The following ZNF562 variants were observed in gnomAD, a reference collection of about 807,000 sequenced individuals.
The protein encoded by ZNF562 is zinc finger protein 562.
In ZNF562, 13 loss-of-function variants were observed where a neutral mutation model predicts 17.5. The observed-to-expected ratio is 0.74, with a 90% confidence interval of 0.48 to 1.18. The LOEUF is 1.18. Ranked by LOEUF, ZNF562 falls within the 50% of genes most tolerant of loss-of-function variation. The pLI, the probability that ZNF562 is intolerant of heterozygous loss-of-function variation, is 0.00. For missense variants in ZNF562, 481 were observed against 498.5 expected (o/e 0.96, Z 0.33); for synonymous variants, 163 against 165.4 (o/e 0.99, Z 0.11).
Position 9,642,845 on chromosome 19 carries a change from G to A in ZNF562, c.*10104C>T, listed in dbSNP as rs2144936305. 6.6e-6 allele frequency: 1 copy of A among 151,010 alleles called. No individual in the cohort carries two copies. The allele number at this position is 151,010 out of a possible 1,614,324, so 9.4% of individuals were successfully genotyped here. On this transcript the variant is annotated 3_prime_UTR_variant, in exon 6 of 6. Coordinates refer to ENST00000453372, the MANE Select transcript of ZNF562 (RefSeq NM_001130031.2). ...TTTCAAGACCAGCCTGGGCAATATA[G>A]TGAGACACAGTCTCGACCAAAAAAA... is the stretch of plus-strand genomic sequence containing the variant.
rs1297059235 is a variant in ZNF562 at position 9,651,497 on chromosome 19, T to A, written c.*1452A>T. On this transcript the variant is annotated 3_prime_UTR_variant, in exon 6 of 6. Transcript: ENST00000453372. Reference sequence around the variant, plus strand: ...TAAACAGGCAATGAGAAACTGGCCATAAACAAAATCTCTGCAGCACTGTGA... The same window carrying A: ...TAAACAGGCAATGAGAAACTGGCCAAAAACAAAATCTCTGCAGCACTGTGA... 10 of 152,182 alleles carry A rather than the reference T, an allele frequency of 6.6e-5. No individual in the cohort carries two copies. Among genetic ancestry groups the A allele is most frequent in the African/African-American group, 2.4e-4 (10 of 41,442 alleles). 9.4% of individuals were successfully genotyped at this position (152,182 alleles called of 1,614,324 possible).
rs538104806 is a variant in ZNF562 at position 9,651,295 on chromosome 19, G to C, written c.*1654C>G. ...GAAAAGACAACCCTTGATATAAAGT[G>C]GTGAAGAACTTGGCAGAACTGTATT... On this transcript the variant is annotated 3_prime_UTR_variant, in exon 6 of 6. Transcript: ENST00000453372. The C allele has an allele frequency of 2.6e-5, 4 of 152,290 alleles. No individual in the cohort carries two copies. The South Asian group carries it at 8.3e-4, about 32-fold the overall frequency. The allele number at this position is 152,290 out of a possible 1,614,324, so 9.4% of individuals were successfully genotyped here.
Position 9,668,566 on chromosome 19 carries a change from C to T in ZNF562, c.-131+6449G>A, listed in dbSNP as rs1333780472. Reference sequence around the variant, plus strand: ...AAAGCAATTTACAATTAAGAGCAACCGTTATCAAAATAGCAATGACATTCA... The same window carrying T: ...AAAGCAATTTACAATTAAGAGCAACTGTTATCAAAATAGCAATGACATTCA... On this transcript the variant is annotated intron_variant, in intron 1 of 5. Transcript: ENST00000453372. 3.3e-5 allele frequency among the ~76,000 whole-genome samples: 5 copies of T among 151,652 alleles called. 1 individual carries two copies. Among genetic ancestry groups the T allele is most frequent in the African/African-American group, 4.8e-5 (2 of 41,280 alleles).
At chr19:9,662,677 C>G (rs762342862) in intron 1 of ZNF562, among the ~76,000 whole-genome samples, 9 of 151,908 alleles carry the variant, frequency 5.9e-5, no homozygotes, top group Admixed American at 6.6e-5. Flanking sequence ...GTCAGGAGAT[C>G]GAGACCATCC....
intron 1 of ZNF562, among the ~76,000 whole-genome samples, chr19:9,667,114 A>C (rs548739434): frequency 3.9e-5 from 6 of 152,216 alleles, no homozygotes; most frequent in Non-Finnish European, 8.8e-5. Flanking sequence ...ACCTGCAAAA[A>C]TTCTCACCAA....
At chr19:9,664,905 A>G (rs966884472) in intron 1 of ZNF562, among the ~76,000 whole-genome samples, 1 of 151,926 alleles carries the variant, frequency 6.6e-6, no homozygotes, top group Non-Finnish European at 1.5e-5. Flanking sequence ...ACACATTTCT[A>G]TATATGCACA....
chr19:9,656,890 A>ATATATATG (rs909852576), intron 4 of ZNF562, among the ~76,000 whole-genome samples: 2 of 149,492 alleles, frequency 1.3e-5, no homozygotes, highest in Admixed American at 6.7e-5. Flanking sequence ...ATATATATAT[A>ATATATATG]TTAGCCGGGC....
At chr19:9,673,733 CTA>C (rs1324845456) in intron 1 of ZNF562, among the ~76,000 whole-genome samples, 1 of 152,170 alleles carries the variant, frequency 6.6e-6, no homozygotes, top group Non-Finnish European at 1.5e-5. Flanking sequence ...CCCTAAACAA[CTA>C]TGTTTTTTCC....
intron 4 of ZNF562, among the ~76,000 whole-genome samples, chr19:9,657,650 G>C (rs981861482): frequency 6.6e-6 from 1 of 151,026 alleles, no homozygotes; most frequent in African/African-American, 2.4e-5. Flanking sequence ...GGGTTCAAGC[G>C]ATTCTACTGC....
Position 9,650,380 on chromosome 19 carries a change from A to G in ZNF562, c.*2569T>C, listed in dbSNP as rs1238071605. On this transcript the variant is annotated 3_prime_UTR_variant, in exon 6 of 6. Transcript: ENST00000453372. The stretch of plus-strand genomic sequence containing the variant: ...GAGTTAGGTATACATACATATGTGT[A>G]TATATATGTATATATATATACACAT... 2 of 147,142 alleles carry G rather than the reference A, an allele frequency of 1.4e-5. No individual in the cohort carries two copies. The highest frequency in any genetic ancestry group is 3.0e-5 in the Non-Finnish European group (2 of 67,348). 9.1% of individuals were successfully genotyped at this position (147,142 alleles called of 1,614,324 possible). A position where few individuals can be genotyped will look rare whatever the true frequency, so the allele number is the denominator to read the frequency against.
In ZNF562 at chr19:9,656,630, C is replaced by G. The variant is rs140829241; in HGVS notation, c.265G>C (p.Glu89Gln). ...TTGGTTCTAGGTTGTATTTCCCATT[C>G]TGAAGTTAAGCAGAAAAAGAAATCT... Reference protein sequence around the residue: ...SVDFFFCLTSEWEIQPRTKRS... With the variant: ...SVDFFFCLTSQWEIQPRTKRS... Residue 89 changes from glutamate to glutamine, a missense_variant, in exon 5 of 6, where the codon GAA becomes CAA. Coordinates refer to ENST00000453372, the MANE Select transcript of ZNF562 (RefSeq NM_001130031.2). The G allele has an allele frequency of 6.2e-7, 1 of 1,613,960 alleles. No individual in the cohort carries two copies. Among genetic ancestry groups the G allele is most frequent in the Non-Finnish European group, 8.5e-7 (1 of 1,179,946 alleles).
intron 1 of ZNF562, among the ~76,000 whole-genome samples, chr19:9,670,714 T>G (rs1020610983): frequency 6.6e-6 from 1 of 151,742 alleles, no homozygotes; most frequent in African/African-American, 2.4e-5. Flanking sequence ...TTAGGCTGAG[T>G]GAGGTGGCTC....
At position 9,651,832 on chromosome 19, in the gene ZNF562, G is replaced by A. The variant is rs549958611; in HGVS notation, c.*1117C>T. 1 of 152,310 alleles carries A rather than the reference G, an allele frequency of 6.6e-6. No individual in the cohort carries two copies. Among genetic ancestry groups the A allele is most frequent in the Non-Finnish European group, 1.5e-5 (1 of 68,054 alleles). 9.4% of individuals were successfully genotyped at this position (152,310 alleles called of 1,614,324 possible). On this transcript the variant is annotated 3_prime_UTR_variant, in exon 6 of 6. Coordinates refer to ENST00000453372, the MANE Select transcript of ZNF562 (RefSeq NM_001130031.2). ...ACTCTGTTCAAGCTCAGCTCTGAAG[G>A]CTGTGAGCCCCGATTCCCACTCTGC...
At chr19:9,657,438 A>G (rs1330463757) in intron 4 of ZNF562, among the ~76,000 whole-genome samples, 1 of 152,026 alleles carries the variant, frequency 6.6e-6, no homozygotes, top group African/African-American at 2.4e-5. Context: ...AAACAAACAA[A>G]AAAAACAGAA....
chr19:9,665,377 A>G (rs2043917173), intron 1 of ZNF562, among the ~76,000 whole-genome samples: 1 of 152,164 alleles, frequency 6.6e-6, no homozygotes, highest in Non-Finnish European at 1.5e-5. Context: ...TCTACACTGG[A>G]AAAAACTGAG....
At chr19:9,665,699 T>C (rs1234040938) in intron 1 of ZNF562, among the ~76,000 whole-genome samples, 4 of 152,124 alleles carry the variant, frequency 2.6e-5, no homozygotes. Context: ...GAGGCAAACA[T>C]GGGTTTAAGA....
intron 1 of ZNF562, among the ~76,000 whole-genome samples, chr19:9,673,376 A>G (rs183300023): frequency 1.3e-5 from 2 of 152,236 alleles, no homozygotes; most frequent in Admixed American, 6.5e-5. Context: ...CTTTTGCCTG[A>G]GTGCTGGTTT....
intron 2 of ZNF562, among the ~76,000 whole-genome samples, 168 bp downstream of exon 2, chr19:9,660,552 G>A (rs1464050760): frequency 4.0e-5 from 6 of 151,392 alleles, no homozygotes; most frequent in Non-Finnish European, 8.8e-5. Context: ...GTTGCGGTGA[G>A]CTAAGATCAT....
At position 9,651,427 on chromosome 19, in the gene ZNF562, G is replaced by T. The variant is rs1386771914; in HGVS notation, c.*1522C>A. 1 of 152,222 alleles carries T rather than the reference G, an allele frequency of 6.6e-6. No homozygotes were observed. Among genetic ancestry groups the T allele is most frequent in the African/African-American group, 2.4e-5 (1 of 41,456 alleles). 9.4% of individuals were successfully genotyped at this position (152,222 alleles called of 1,614,324 possible). Reference sequence around the variant, plus strand: ...ACAGGAAGCTTCATTATTCCTGAGTGCTTACAGGAAAATGTGCTGGGAACA... The same window carrying T: ...ACAGGAAGCTTCATTATTCCTGAGTTCTTACAGGAAAATGTGCTGGGAACA... On this transcript the variant is annotated 3_prime_UTR_variant, in exon 6 of 6. Coordinates refer to ENST00000453372, the MANE Select transcript of ZNF562 (RefSeq NM_001130031.2).
Sources: allele counts gnomAD v4.1 joint callset (sites outside exome capture counted in the v4.1 genomes callset), GRCh38; gene constraint gnomAD v4.1.1; transcripts MANE v1.5; gene names NCBI Gene and HGNC (gene_info 2026-07-23, HGNC 2026-07-21).